TRMT9B: variants seen among roughly 807,000 people sequenced by gnomAD.
TRMT9B encodes the protein probable tRNA methyltransferase 9B.
A neutral mutation model predicts 11.5 loss-of-function variants in TRMT9B; 16 were observed. That is an observed-to-expected ratio of 1.39 (90% CI 0.94 to 2.11). The LOEUF is 2.11. TRMT9B is among the 30% of genes most tolerant of loss of function. The pLI is 0.00. For synonymous variants in TRMT9B, 274 were observed against 192.4 expected, an observed-to-expected ratio of 1.42 and a Z score of -3.51; for missense variants, 941 against 553.8, an observed-to-expected ratio of 1.70 and a Z score of -7.02.
rs1814138567 is a variant in TRMT9B at position 13,022,603 on chromosome 8, G to A, written c.*559G>A. The A allele has an allele frequency of 1.2e-5, 2 of 167,066 alleles. No individual in the cohort carries two copies. Among genetic ancestry groups the A allele is most frequent in the Admixed American group, 1.3e-4 (2 of 15,278 alleles). The allele number at this position is 167,066 out of a possible 1,614,324, so 10.3% of individuals were successfully genotyped here. ...GAGTGACAGTGGAGAGAAACAAGAA[G>A]TTTTACAAGGACTTTACTAAATTAT... On this transcript the variant is annotated 3_prime_UTR_variant, in exon 5 of 5. Coordinates refer to ENST00000524591, the MANE Select transcript of TRMT9B (RefSeq NM_020844.3).
At chr8:12,959,210 T>C (rs73663434) in intron 1 of TRMT9B, among the ~76,000 whole-genome samples, 1,533 of 152,244 alleles carry the variant, frequency 0.01, 43 homozygotes, top group African/African-American at 0.035. Flanking sequence ...ATCCCTAACC[T>C]GAAAATCCAA....
At chr8:12,975,525 C>A (rs1231121698) in intron 1 of TRMT9B, among the ~76,000 whole-genome samples, 1 of 151,998 alleles carries the variant, frequency 6.6e-6, no homozygotes. Flanking sequence ...TCACTTGAGG[C>A]CAGGAGTTCG....
In TRMT9B at chr8:13,021,705, G is replaced by A; in HGVS notation, c.1026G>A (p.Arg342=). 2 of 1,613,952 alleles carry A rather than the reference G, an allele frequency of 1.2e-6. No individual in the cohort carries two copies. The highest frequency in any genetic ancestry group is 1.7e-6 in the Non-Finnish European group (2 of 1,179,872). Reference sequence around the variant, plus strand: ...ATGGAGACCATCAAGGGGAAATGAGGAGAAATGGAGGGGGAAATTTTCTGG... The same window carrying A: ...ATGGAGACCATCAAGGGGAAATGAGAAGAAATGGAGGGGGAAATTTTCTGG... The part of the protein sequence containing the change: ...HLNGDHQGEM[R]RNGGGNFLDS... The change falls in exon 5 of 5, where the codon AGG becomes AGA. Residue 342 remains arginine (R), a synonymous_variant. Coordinates refer to ENST00000524591, the MANE Select transcript of TRMT9B (RefSeq NM_020844.3).
At chr8:12,978,686 C>T (rs1298063643) in intron 1 of TRMT9B, among the ~76,000 whole-genome samples, 1 of 152,178 alleles carries the variant, frequency 6.6e-6, no homozygotes. Flanking sequence ...GGCCTACTTG[C>T]TACACCTTAG....
chr8:13,007,564 A>C (rs1810717130), intron 3 of TRMT9B: 1 of 152,224 alleles, frequency 6.6e-6, no homozygotes, highest in African/African-American at 2.4e-5. Context: ...TGGTATGAGT[A>C]ATGTGGAATC....
intron 1 of TRMT9B, among the ~76,000 whole-genome samples, chr8:12,950,713 A>T (rs1435992409): frequency 6.6e-6 from 1 of 152,190 alleles, no homozygotes; most frequent in African/African-American, 2.4e-5. Context: ...CAGAAACTAT[A>T]TGCTGACGTC....
At chr8:12,961,294 G>T (rs1352331803) in intron 1 of TRMT9B, among the ~76,000 whole-genome samples, 1 of 152,100 alleles carries the variant, frequency 6.6e-6, no homozygotes, top group Non-Finnish European at 1.5e-5. Context: ...ATCAATAGTG[G>T]TTCATCAGTT....
chr8:12,950,577 C>T (rs866441073), intron 1 of TRMT9B, among the ~76,000 whole-genome samples: 3 of 137,078 alleles, frequency 2.2e-5, no homozygotes, highest in African/African-American at 5.0e-5. Flanking sequence ...GAATGTGAGG[C>T]CTTTACAGAA....
intron 1 of TRMT9B, among the ~76,000 whole-genome samples, chr8:12,957,409 A>G (rs915727297): frequency 2.0e-5 from 3 of 152,190 alleles, no homozygotes; most frequent in Non-Finnish European, 4.4e-5. Flanking sequence ...ATCAGAAGCC[A>G]TTAAAATTTT....
intron 2 of TRMT9B, among the ~76,000 whole-genome samples, chr8:12,994,104 T>C (rs1807900700): frequency 6.6e-6 from 1 of 152,164 alleles, no homozygotes; most frequent in African/African-American, 2.4e-5. Flanking sequence ...CAGGCCCCAG[T>C]GACACTTGGA....
In TRMT9B at chr8:13,027,339, C is replaced by A. The variant is rs143278654; in HGVS notation, c.*5295C>A. The A allele has an allele frequency of 6.0e-6, 1 of 166,936 alleles. No individual in the cohort carries two copies. Among genetic ancestry groups the A allele is most frequent in the Admixed American group, 6.5e-5 (1 of 15,274 alleles). The allele number at this position is 166,936 out of a possible 1,614,324, so 10.3% of individuals were successfully genotyped here. On this transcript the variant is annotated 3_prime_UTR_variant, in exon 5 of 5. Transcript: ENST00000524591. ...TAGTTTGAGGAAAACAACAAACAAC[C>A]CTCCCTTAGAGAATCATGATGCATA...
At chr8:13,020,921 A>T (rs1813706076) in intron 4 of TRMT9B, 87 bp from the exon 5 acceptor site, 2 of 861,120 alleles carry the variant, frequency 2.3e-6, no homozygotes, top group Non-Finnish European at 3.4e-6. Context: ...TCAAAATTTC[A>T]TCCTTGTTAT....
At chr8:13,002,335 G>A (rs1041924399) in intron 2 of TRMT9B, among the ~76,000 whole-genome samples, 5 of 152,184 alleles carry the variant, frequency 3.3e-5, no homozygotes, top group Admixed American at 6.5e-5. Context: ...TTGCTTGATT[G>A]ATTCCTTGAG....
intron 1 of TRMT9B, among the ~76,000 whole-genome samples, chr8:12,977,038 C>T (rs543070305): frequency 6.6e-6 from 1 of 152,174 alleles, no homozygotes; most frequent in Non-Finnish European, 1.5e-5. Context: ...GGAGGTGCTG[C>T]TAGCAGATGG....
At chr8:13,006,723 C>T in intron 3 of TRMT9B, 4 of 1,115,404 alleles carry the variant, frequency 3.6e-6, no homozygotes, top group Non-Finnish European at 3.5e-6. Flanking sequence ...GATTGGAGTG[C>T]AGTGGTGCAA....
At chr8:12,992,478 T>C (rs1228980245) in intron 2 of TRMT9B, among the ~76,000 whole-genome samples, 1 of 151,976 alleles carries the variant, frequency 6.6e-6, no homozygotes, top group Non-Finnish European at 1.5e-5. Flanking sequence ...GTGTAGGTTC[T>C]AGACTTGGGC....
Position 12,986,538 on chromosome 8 carries a change from T to A in TRMT9B, c.-199-4296T>A, listed in dbSNP as rs114628048. 2.9e-3 allele frequency among the ~76,000 whole-genome samples: 443 copies of A among 152,370 alleles called. 2 individuals are homozygous for A. The highest frequency in any genetic ancestry group is 0.01 in the African/African-American group (427 of 41,592). On this transcript the variant is annotated intron_variant, in intron 1 of 4. Transcript: ENST00000524591. ...AAATCAGTTACCAGTATCTAGACCT[T>A]CTTATATCCTATTTCCCGCAAATGC... is the stretch of plus-strand genomic sequence containing the variant.
At chr8:13,001,689 A>G (rs28429164) in intron 2 of TRMT9B, among the ~76,000 whole-genome samples, 1 of 152,130 alleles carries the variant, frequency 6.6e-6, no homozygotes, top group African/African-American at 2.4e-5. Flanking sequence ...AAAAAGCGAG[A>G]TTTTTGAAAC....
intron 3 of TRMT9B, among the ~76,000 whole-genome samples, chr8:13,008,932 G>T (rs1161192614): frequency 1.3e-5 from 2 of 152,134 alleles, no homozygotes; most frequent in African/African-American, 4.8e-5. Context: ...GTTTCACCGT[G>T]TTAGCCAGGA....
Sources: allele counts gnomAD v4.1 joint callset (sites outside exome capture counted in the v4.1 genomes callset), GRCh38; gene constraint gnomAD v4.1.1; transcripts MANE v1.5; gene names NCBI Gene and HGNC (gene_info 2026-07-23, HGNC 2026-07-21).